Variants in TMCC1 observed in about 807,000 individuals in gnomAD.
The protein encoded by TMCC1 is transmembrane and coiled-coil domain family 1.
Under a neutral mutation model 52.4 loss-of-function variants are expected in TMCC1, and 15 were observed. The observed-to-expected ratio is 0.29, with a 90% confidence interval of 0.19 to 0.44. TMCC1 has a LOEUF of 0.44. Among genes scored for constraint, TMCC1 ranks in the 20% least tolerant of loss-of-function variants. The probability of loss-of-function intolerance (pLI) is 1.00; values close to 1 mark genes in which losing one functional copy is unlikely to be tolerated. For missense variants in TMCC1, 503 were observed against 806.0 expected, an observed-to-expected ratio of 0.62 and a Z score of 4.55; for synonymous variants, 279 against 301.9, an observed-to-expected ratio of 0.92 and a Z score of 0.79.
intron 1 of TMCC1, among the ~76,000 whole-genome samples, chr3:129,881,708 T>C (rs1357118018): frequency 6.6e-6 from 1 of 152,112 alleles, no homozygotes; most frequent in Admixed American, 6.6e-5. Flanking sequence ...CCACAAATTA[T>C]AGAATATATA....
At chr3:129,756,200 C>T (rs1576704399) in intron 4 of TMCC1, among the ~76,000 whole-genome samples, 1 of 151,922 alleles carries the variant, frequency 6.6e-6, no homozygotes, top group African/African-American at 2.4e-5. Context: ...CCATCAAGCT[C>T]CTATATATTT....
Position 129,651,913 on chromosome 3 carries a change from CT to C in TMCC1, c.1648-119del, listed in dbSNP as rs200328221. 5.4e-6 allele frequency: 6 copies of C among 1,119,748 alleles called. No individual in the cohort carries two copies. The highest frequency in any genetic ancestry group is 2.6e-5 in the East Asian group (1 of 38,636). 69.4% of individuals were successfully genotyped at this position (1,119,748 alleles called of 1,614,324 possible). On this transcript the variant is annotated intron_variant, in intron 6 of 6. Transcript: ENST00000393238. The surrounding 1 kb of genome is among the most constrained non-coding windows in gnomAD (Gnocchi z 5.1). Reference sequence around the variant, plus strand: ...CAATGCCAATGATTTTATAAATATGCTGGAGCCTTGAATGAATGTAAAAGGC... The same window carrying C: ...CAATGCCAATGATTTTATAAATATGCGGAGCCTTGAATGAATGTAAAAGGC...
intron 4 of TMCC1, among the ~76,000 whole-genome samples, chr3:129,786,232 A>G (rs1342796518): frequency 6.6e-6 from 1 of 152,070 alleles, no homozygotes; most frequent in Non-Finnish European, 1.5e-5. Context: ...GAGCTGCCGT[A>G]CCCAGCCATG....
chr3:129,689,971 C>T (rs1015189113), intron 4 of TMCC1, among the ~76,000 whole-genome samples: 7 of 152,210 alleles, frequency 4.6e-5, no homozygotes, highest in African/African-American at 1.7e-4. Flanking sequence ...ACACTAGCTG[C>T]TGTTTGCTTA....
chr3:129,651,807 A>G lies in TMCC1; in HGVS notation c.1648-12T>C. On this transcript the variant is annotated splice_polypyrimidine_tract_variant and intron_variant, in intron 6 of 6. Coordinates refer to ENST00000393238, the MANE Select transcript of TMCC1 (RefSeq NM_001017395.5). The surrounding 1 kb of genome is among the most constrained non-coding windows in gnomAD (Gnocchi z 5.1). ...GCCTCCAGGGCCTCCTGTGGGCCAG[A>G]ACAGGGAAGAGTTAAGCCTTCTGCT... 6.2e-7 allele frequency: 1 copy of G among 1,608,790 alleles called. No homozygotes were observed. The highest frequency in any genetic ancestry group is 8.5e-7 in the Non-Finnish European group (1 of 1,177,156).
At chr3:129,729,672 A>C (rs772286364) in intron 4 of TMCC1, among the ~76,000 whole-genome samples, 16 of 152,168 alleles carry the variant, frequency 1.1e-4, no homozygotes, top group Non-Finnish European at 2.2e-4. Context: ...AAAAATAATA[A>C]AATGAAAATA....
intron 4 of TMCC1, among the ~76,000 whole-genome samples, chr3:129,738,219 C>T (rs1008040883): frequency 6.5e-5 from 9 of 138,608 alleles, no homozygotes; most frequent in African/African-American, 2.2e-4. Context: ...TGCAGTGAGC[C>T]GAGATTGTGC....
intron 5 of TMCC1, among the ~76,000 whole-genome samples, chr3:129,657,301 T>C (rs1175294886): frequency 2.6e-5 from 4 of 152,202 alleles, no homozygotes; most frequent in African/African-American, 9.6e-5. Flanking sequence ...ACATGGCTCA[T>C]ACATACCAGT....
chr3:129,669,188 T>C (rs969907302), intron 5 of TMCC1, among the ~76,000 whole-genome samples: 5 of 152,136 alleles, frequency 3.3e-5, no homozygotes, highest in Admixed American at 2.6e-4. Flanking sequence ...TAAGATTACC[T>C]TATAAAAGCA....
intron 4 of TMCC1, among the ~76,000 whole-genome samples, chr3:129,820,583 TGA>T (rs1346831466): frequency 6.6e-6 from 1 of 151,952 alleles, no homozygotes; most frequent in East Asian, 1.9e-4. Flanking sequence ...TGGGAGATTC[TGA>T]GAGGCCAGAC....
chr3:129,837,727 T>A (rs927738237), intron 2 of TMCC1, among the ~76,000 whole-genome samples: 1 of 152,134 alleles, frequency 6.6e-6, no homozygotes, highest in East Asian at 1.9e-4. Flanking sequence ...TACAAGACAG[T>A]AAATTAGAAC....
chr3:129,857,719 G>A (rs977446433), intron 2 of TMCC1, among the ~76,000 whole-genome samples: 8 of 122,174 alleles, frequency 6.5e-5, no homozygotes, highest in Admixed American at 8.5e-5. Flanking sequence ...CCGCCACTAA[G>A]CCTGGCTAAT....
chr3:129,707,199 G>A (rs746776752), intron 4 of TMCC1, among the ~76,000 whole-genome samples: 3 of 152,156 alleles, frequency 2.0e-5, no homozygotes, highest in Non-Finnish European at 2.9e-5. Context: ...TAGTTCTCCA[G>A]TAATAGGTGG....
chr3:129,878,877 A>C (rs1294123558), intron 2 of TMCC1, among the ~76,000 whole-genome samples: 1 of 152,208 alleles, frequency 6.6e-6, no homozygotes, highest in African/African-American at 2.4e-5. Context: ...AAAGCACCAC[A>C]AAATAAGGAC....
intron 4 of TMCC1, among the ~76,000 whole-genome samples, chr3:129,752,827 T>C (rs2052654285): frequency 6.6e-6 from 1 of 152,056 alleles, no homozygotes; most frequent in Non-Finnish European, 1.5e-5. Flanking sequence ...GAAAAGAGGT[T>C]TAAATTGACT....
chr3:129,705,042 T>C (rs2048116624), intron 4 of TMCC1, among the ~76,000 whole-genome samples: 1 of 152,194 alleles, frequency 6.6e-6, no homozygotes, highest in South Asian at 2.1e-4. Flanking sequence ...TACAGAAAAT[T>C]AATGTCCCTT....
chr3:129,729,666 AT>A (rs2050388551), intron 4 of TMCC1, among the ~76,000 whole-genome samples: 1 of 152,144 alleles, frequency 6.6e-6, no homozygotes, highest in African/African-American at 2.4e-5. Context: ...TCGTAAAAAA[AT>A]AATAAAATGA....
intron 4 of TMCC1, among the ~76,000 whole-genome samples, chr3:129,750,852 G>A (rs1409516224): frequency 1.3e-5 from 2 of 150,926 alleles, no homozygotes; most frequent in African/African-American, 2.4e-5. Flanking sequence ...TGGGATTACA[G>A]GTGTGAGCCA....
At chr3:129,656,370 C>T (rs562931023) in intron 5 of TMCC1, among the ~76,000 whole-genome samples, 1 of 152,332 alleles carries the variant, frequency 6.6e-6, no homozygotes, top group East Asian at 1.9e-4. Flanking sequence ...ATACATTTAA[C>T]ATTAACACCA....
Sources: allele counts gnomAD v4.1 joint callset (sites outside exome capture counted in the v4.1 genomes callset), GRCh38; gene constraint gnomAD v4.1.1; non-coding constraint Gnocchi (gnomAD v3.1); transcripts MANE v1.5; gene names NCBI Gene and HGNC (gene_info 2026-07-23, HGNC 2026-07-21).